The following SPAG16 variants were observed in gnomAD, a reference collection of about 807,000 sequenced individuals.
SPAG16 encodes the protein sperm associated antigen 16.
SPAG16 carries 86 observed loss-of-function variants against 80.4 expected under a neutral mutation model. That is an observed-to-expected ratio of 1.07 (90% CI 0.90 to 1.28). The LOEUF (loss-of-function observed/expected upper bound fraction) is 1.28. Among genes scored for constraint, SPAG16 ranks in the 50% most tolerant of loss-of-function variants. SPAG16 has a pLI of 0.00. For missense variants in SPAG16, 870 were observed against 765.3 expected (o/e 1.14, Z -1.61); for synonymous variants, 294 against 265.9 (o/e 1.11, Z -1.03).
chr2:213,990,688 C>T (rs1000144580), intron 12 of SPAG16, among the ~76,000 whole-genome samples: 12 of 151,970 alleles, frequency 7.9e-5, no homozygotes, highest in South Asian at 2.1e-4. Flanking sequence ...CTGAGGAAGA[C>T]GAGGAACAGG....
chr2:214,048,319 A>G (rs761633640), intron 13 of SPAG16, among the ~76,000 whole-genome samples: 17 of 152,200 alleles, frequency 1.1e-4, no homozygotes, highest in Non-Finnish European at 1.6e-4. Flanking sequence ...TAGGTTATCA[A>G]CAGATGACTG....
chr2:213,584,255 C>T (rs1252514278), intron 10 of SPAG16, among the ~76,000 whole-genome samples: 1 of 151,508 alleles, frequency 6.6e-6, no homozygotes, highest in African/African-American at 2.4e-5. Flanking sequence ...GTACTCTTAT[C>T]GTTTTTAAAA....
intron 14 of SPAG16, among the ~76,000 whole-genome samples, chr2:214,128,651 T>C (rs986874865): frequency 6.6e-6 from 1 of 151,902 alleles, no homozygotes; most frequent in Non-Finnish European, 1.5e-5. Flanking sequence ...CCAGATTTAG[T>C]TTCAGATCCC....
intron 9 of SPAG16, among the ~76,000 whole-genome samples, chr2:213,414,461 T>C (rs920501152): frequency 3.9e-5 from 6 of 152,216 alleles, no homozygotes; most frequent in African/African-American, 1.4e-4. Context: ...GTTTAATTTA[T>C]AGCTTGAATC....
intron 15 of SPAG16, among the ~76,000 whole-genome samples, chr2:214,333,641 C>T (rs1003493914): frequency 6.6e-6 from 1 of 152,188 alleles, no homozygotes; most frequent in African/African-American, 2.4e-5. Flanking sequence ...TTCCAGAGAA[C>T]ATAATCAGGA....
At chr2:213,284,822 G>A (rs2061995225) in intron 1 of SPAG16, 1 of 686,158 alleles carries the variant, frequency 1.5e-6, no homozygotes, top group Non-Finnish European at 2.4e-6. Context: ...AGCCCAGGGT[G>A]TCCTGTACCT....
intron 10 of SPAG16, among the ~76,000 whole-genome samples, chr2:213,583,103 A>C (rs931678237): frequency 1.8e-4 from 27 of 152,188 alleles, no homozygotes; most frequent in African/African-American, 6.5e-4. Flanking sequence ...TATATGCCAC[A>C]TAAAGTAGAG....
chr2:213,325,084 C>G (rs1028828903), intron 5 of SPAG16, among the ~76,000 whole-genome samples: 4 of 151,932 alleles, frequency 2.6e-5, no homozygotes, highest in African/African-American at 9.7e-5. Context: ...TTTTTGCTTG[C>G]TGATCTTATA....
intron 6 of SPAG16, among the ~76,000 whole-genome samples, chr2:213,341,355 G>A (rs1290715176): frequency 1.3e-5 from 2 of 152,142 alleles, no homozygotes. Flanking sequence ...CTATAGGACA[G>A]AGTGTTTTGA....
At chr2:214,109,426 T>A (rs900086997) in intron 14 of SPAG16, among the ~76,000 whole-genome samples, 1 of 152,184 alleles carries the variant, frequency 6.6e-6, no homozygotes, top group Non-Finnish European at 1.5e-5. Flanking sequence ...AAGTTCCCAG[T>A]AGAGTGAGAA....
At chr2:213,407,596 GGAGAGA>G (rs66674310) in intron 9 of SPAG16, among the ~76,000 whole-genome samples, 7,814 of 101,908 alleles carry the variant, frequency 0.077, 341 homozygotes, top group African/African-American at 0.12. Context: ...GAGAGAGACA[GGAGAGA>G]GAGAGAGAGA....
intron 10 of SPAG16, among the ~76,000 whole-genome samples, chr2:213,582,782 G>A (rs1436209340): frequency 6.6e-6 from 1 of 152,064 alleles, no homozygotes; most frequent in African/African-American, 2.4e-5. Flanking sequence ...TTGCATTTTG[G>A]TAGGAGAGAA....
At chr2:213,615,600 A>C (rs2125034282) in intron 10 of SPAG16, among the ~76,000 whole-genome samples, 1 of 152,314 alleles carries the variant, frequency 6.6e-6, no homozygotes, top group East Asian at 1.9e-4. Context: ...AAAAATGAAC[A>C]AACAAAAACA....
At chr2:213,626,360 C>G (rs2061960409) in intron 10 of SPAG16, among the ~76,000 whole-genome samples, 1 of 151,708 alleles carries the variant, frequency 6.6e-6, no homozygotes, top group African/African-American at 2.4e-5. Flanking sequence ...CTGTAAATAC[C>G]CGGATTTTTA....
chr2:214,071,691 G>A (rs1252791661), intron 13 of SPAG16, among the ~76,000 whole-genome samples: 1 of 151,988 alleles, frequency 6.6e-6, no homozygotes. Context: ...CTTCAATTTG[G>A]TGTTGTAGAT....
chr2:213,596,060 C>A (rs1329767784), intron 10 of SPAG16, among the ~76,000 whole-genome samples: 1 of 152,154 alleles, frequency 6.6e-6, no homozygotes, highest in South Asian at 2.1e-4. Flanking sequence ...AAATTACCAG[C>A]AGCATTTATT....
intron 13 of SPAG16, among the ~76,000 whole-genome samples, chr2:214,054,022 C>A (rs1427357439): frequency 1.3e-5 from 2 of 152,068 alleles, no homozygotes; most frequent in African/African-American, 4.8e-5. Context: ...AACGGAGTCT[C>A]CCTCTTGTTG....
At chr2:213,695,421 T>C (rs2065118466) in intron 10 of SPAG16, among the ~76,000 whole-genome samples, 1 of 152,344 alleles carries the variant, frequency 6.6e-6, no homozygotes, top group African/African-American at 2.4e-5. Flanking sequence ...TTATAAATCA[T>C]ATATTAATCA....
Position 213,911,433 on chromosome 2 carries a change from C to T in SPAG16, c.1215-18527C>T, listed in dbSNP as rs369468100. Among the ~76,000 whole-genome samples the T allele has an allele frequency of 3.4e-4, 52 of 152,262 alleles. 5 individuals are homozygous for T. In the South Asian group the frequency reaches 1.0e-2, roughly 29 times the overall value. ...ATGCTGGGATTACAGGCATGTGCCA[C>T]GGTGCCCTGCCAATAGTTACAAGCT... On this transcript the variant is annotated intron_variant, in intron 11 of 15. Transcript: ENST00000331683.
Sources: allele counts gnomAD v4.1 joint callset (sites outside exome capture counted in the v4.1 genomes callset), GRCh38; gene constraint gnomAD v4.1.1; transcripts MANE v1.5; gene names NCBI Gene and HGNC (gene_info 2026-07-23, HGNC 2026-07-21).